The following EML1 variants were observed in gnomAD, a reference collection of about 807,000 sequenced individuals.
EML1 encodes echinoderm microtubule-associated protein-like 1.
A neutral mutation model predicts 110.4 loss-of-function variants in EML1; 27 were observed. That is an observed-to-expected ratio of 0.24 (90% confidence interval 0.18 to 0.34). EML1 has a LOEUF of 0.34. EML1 is among the 10% of genes least tolerant of loss of function. The pLI is 1.00. For synonymous variants in EML1, 344 were observed against 385.8 expected (o/e 0.89, Z 1.27); for missense variants, 741 against 1,030.9 (o/e 0.72, Z 3.85).
intron 1 of EML1, among the ~76,000 whole-genome samples, chr14:99,833,397 T>C (rs2058491927): frequency 6.6e-6 from 1 of 152,226 alleles, no homozygotes; most frequent in African/African-American, 2.4e-5. Flanking sequence ...TCTTGATGAC[T>C]GTCACTTAAG....
At chr14:99,932,133 C>T (rs1453602836) in intron 17 of EML1, among the ~76,000 whole-genome samples, 1 of 152,168 alleles carries the variant, frequency 6.6e-6, no homozygotes, top group African/African-American at 2.4e-5. Flanking sequence ...GCCATCTTTT[C>T]GTGCCTGTGC....
rs774576391 is a variant in EML1, at chr14:99,939,021, G to A, written c.2192-176G>A. ...TCCGAGACTGGCCTGAGTGAGAGGA[G>A]ACTGGGCGCACAGCGAGAGGCCAGG... On this transcript the variant is annotated intron_variant, in intron 20 of 21. Coordinates refer to ENST00000262233, the MANE Select transcript of EML1 (RefSeq NM_004434.3). The surrounding 1 kb of genome is among the most constrained non-coding windows in gnomAD (Gnocchi z 4.2). Among the ~76,000 whole-genome samples, 1 of 152,234 alleles carries A rather than the reference G, an allele frequency of 6.6e-6. No individual in the cohort carries two copies. Among genetic ancestry groups the A allele is most frequent in the Non-Finnish European group, 1.5e-5 (1 of 68,034 alleles).
rs1026249154 is a variant in EML1, at chr14:99,743,305, C to A, written c.28+5445C>A. Reference sequence around the variant, plus strand: ...TCCAGGCTCAGTGGAGGCCTGCCTCCTCCAGGGACCCTTCCCTGAGTTCTG... The same window carrying A: ...TCCAGGCTCAGTGGAGGCCTGCCTCATCCAGGGACCCTTCCCTGAGTTCTG... On this transcript the variant is annotated intron_variant, in intron 1 of 10. Coordinates refer to the EML1 transcript ENST00000554479. Among the ~76,000 whole-genome samples, 3 of 152,168 alleles carry A rather than the reference C, an allele frequency of 2.0e-5. No homozygotes were observed. In the South Asian group the frequency reaches 6.2e-4, roughly 31 times the overall value.
At chr14:99,793,355 C>G (rs2057704284), upstream of EML1, 1 of 987,646 alleles carries the variant, frequency 1.0e-6, no homozygotes, top group African/African-American at 1.8e-5. Context: ...CCGGCAGCAG[C>G]AGCCGCCACA....
intron 1 of EML1, among the ~76,000 whole-genome samples, chr14:99,807,416 C>T (rs963659228): frequency 6.6e-6 from 1 of 152,152 alleles, no homozygotes; most frequent in Non-Finnish European, 1.5e-5. Flanking sequence ...GCAATGGTGC[C>T]CTCAATGGCC....
chr14:99,934,729 C>A (rs1200916158), intron 17 of EML1, among the ~76,000 whole-genome samples: 2 of 152,214 alleles, frequency 1.3e-5, no homozygotes, highest in African/African-American at 4.8e-5. Flanking sequence ...GGTTTCCAGT[C>A]CTTCTTTTTG....
At chr14:99,851,178 A>C (rs1233548661) in intron 2 of EML1, 143 bp downstream of exon 2, 4 of 915,044 alleles carry the variant, frequency 4.4e-6, no homozygotes, top group Non-Finnish European at 6.5e-6. Context: ...CTGTCAACAT[A>C]ATCACACGAC....
chr14:99,758,839 C>T (rs1460353897), intron 1 of EML1, among the ~76,000 whole-genome samples: 1 of 152,204 alleles, frequency 6.6e-6, no homozygotes, highest in East Asian at 1.9e-4. Context: ...CTGTCCATCA[C>T]AATGAACTTG....
intron 1 of EML1, among the ~76,000 whole-genome samples, chr14:99,764,339 C>T (rs556569423): frequency 6.6e-6 from 1 of 152,218 alleles, no homozygotes; most frequent in Non-Finnish European, 1.5e-5. Flanking sequence ...AGAGGCTAAG[C>T]GATTTGCCCA....
At position 99,814,406 on chromosome 14, in the gene EML1, T is replaced by G. The variant is rs140000861; in HGVS notation, c.67+20863T>G. On this transcript the variant is annotated intron_variant, in intron 1 of 21. Transcript: ENST00000262233. The stretch of plus-strand genomic sequence containing the variant: ...TCCTCACAAGTAGCTAGACTACAAA[T>G]GTGCCCCACCAAGTCCAGATAATTT... 9.0e-3 allele frequency among the ~76,000 whole-genome samples: 1,371 copies of G among 152,220 alleles called. 14 individuals are homozygous for G. Among genetic ancestry groups the G allele is most frequent in the African/African-American group, 0.031 (1,308 of 41,524 alleles).
intron 1 of EML1, among the ~76,000 whole-genome samples, chr14:99,786,966 A>C (rs574926163): frequency 6.6e-6 from 1 of 152,220 alleles, no homozygotes; most frequent in African/African-American, 2.4e-5. Flanking sequence ...GGATTGGTGA[A>C]GAATGCTTTG....
At chr14:99,862,648 G>C (rs555440456) in intron 2 of EML1, among the ~76,000 whole-genome samples, 1 of 152,214 alleles carries the variant, frequency 6.6e-6, no homozygotes, top group South Asian at 2.1e-4. Context: ...TTTGGCCTTT[G>C]GGAGCTCTTT....
intron 1 of EML1, among the ~76,000 whole-genome samples, chr14:99,818,414 C>T (rs763736281): frequency 1.3e-5 from 2 of 151,956 alleles, no homozygotes; most frequent in Non-Finnish European, 2.9e-5. Context: ...TGCAGATATT[C>T]GAATAGGCAG....
intron 1 of EML1, among the ~76,000 whole-genome samples, chr14:99,783,921 A>G (rs2057570750): frequency 6.6e-6 from 1 of 152,138 alleles, no homozygotes; most frequent in East Asian, 1.9e-4. Flanking sequence ...CGGCCATAAA[A>G]CCTTACAGGC....
At chr14:99,911,887 TC>T (rs2059952336) in intron 13 of EML1, among the ~76,000 whole-genome samples, 1 of 150,556 alleles carries the variant, frequency 6.6e-6, no homozygotes, top group African/African-American at 2.5e-5. Flanking sequence ...TTTTTCTTTT[TC>T]TTTTTTTCTT....
At chr14:99,919,418 G>GCACA (rs1555404801) in intron 16 of EML1, among the ~76,000 whole-genome samples, 1 of 95,164 alleles carries the variant, frequency 1.1e-5, no homozygotes, top group African/African-American at 4.0e-5. Flanking sequence ...ACATACGCAT[G>GCACA]CACACAGACA....
chr14:99,938,303 A>G (rs971779083), intron 20 of EML1, among the ~76,000 whole-genome samples: 16 of 152,188 alleles, frequency 1.1e-4, no homozygotes, highest in African/African-American at 3.9e-4. Context: ...TTTCTTCAAC[A>G]TTCACTTTAG....
At chr14:99,937,589 G>GA (rs1347809360) in intron 19 of EML1, among the ~76,000 whole-genome samples, 6 of 152,214 alleles carry the variant, frequency 3.9e-5, no homozygotes, top group East Asian at 3.9e-4. Context: ...ACGGAGATGG[G>GA]AAAAAAACAA....
At chr14:99,792,667 T>G (rs145159693), upstream of EML1, 1 of 152,224 alleles carries the variant, frequency 6.6e-6, no homozygotes, top group African/African-American at 2.4e-5. Flanking sequence ...GGGCTGATCA[T>G]AGAGAAACCA....
Sources: gnomAD v4.1 joint callset for allele counts (sites outside exome capture counted in the v4.1 genomes callset) on GRCh38, gnomAD v4.1.1 for gene constraint, Gnocchi (gnomAD v3.1) non-coding constraint, MANE v1.5 for transcripts, NCBI Gene and HGNC (gene_info 2026-07-23, HGNC 2026-07-21) for gene names.